The following KANSL1 variants were observed in gnomAD, a reference collection of about 807,000 sequenced individuals.
KANSL1 encodes the protein KAT8 regulatory NSL complex subunit 1.
A neutral mutation model predicts 103.6 loss-of-function variants in KANSL1; 22 were observed. The observed-to-expected ratio is 0.21, with a 90% confidence interval of 0.15 to 0.30. The LOEUF is 0.30. Ranked by LOEUF, KANSL1 falls within the 10% of genes least tolerant of loss-of-function variation. The pLI, the probability that KANSL1 is intolerant of heterozygous loss-of-function variation, is 1.00. For synonymous variants in KANSL1, 600 were observed against 527.6 expected (o/e 1.14, Z -1.88); for missense variants, 1,337 against 1,399.8 (o/e 0.96, Z 0.72).
chr17:46,187,429 T>A (rs1157787168), intron 1 of KANSL1, among the ~76,000 whole-genome samples: 1 of 152,216 alleles, frequency 6.6e-6, no homozygotes, highest in East Asian at 1.9e-4. Flanking sequence ...CATTTTGGAT[T>A]CCTGGTTCAG....
At chr17:46,204,727 T>C (rs1368777307) in intron 1 of KANSL1, among the ~76,000 whole-genome samples, 2 of 152,218 alleles carry the variant, frequency 1.3e-5, no homozygotes, top group Admixed American at 1.3e-4. Flanking sequence ...TCCAGCAACA[T>C]ATTAAAAGGC....
chr17:46,139,721 AG>A (rs2044326175), intron 2 of KANSL1, among the ~76,000 whole-genome samples: 1 of 152,256 alleles, frequency 6.6e-6, no homozygotes, highest in Admixed American at 6.5e-5. Flanking sequence ...TACCAAAAAT[AG>A]GCACTAACTG....
At chr17:46,100,643 A>G (rs1314910075) in intron 2 of KANSL1, among the ~76,000 whole-genome samples, 1 of 152,196 alleles carries the variant, frequency 6.6e-6, no homozygotes, top group Non-Finnish European at 1.5e-5. Flanking sequence ...TATTTATTAG[A>G]TAAGTAGCAC....
chr17:46,084,697 TAAAAAAAAAAAAAAAA>T (rs67108405), intron 3 of KANSL1, among the ~76,000 whole-genome samples: 38 of 74,512 alleles, frequency 5.1e-4, no homozygotes, highest in African/African-American at 2.0e-3. Context: ...TTTTAAAAAT[TAAAAAAAAAAAAAAAA>T]AAAAAAAAAA....
chr17:46,066,548 G>A lies in KANSL1; in HGVS notation c.1837C>T (p.Leu613Phe), dbSNP rs776773635. The change falls in exon 6 of 15, where the codon CTT becomes TTT. Residue 613 changes from leucine to phenylalanine, a missense_variant. Coordinates refer to ENST00000432791, the MANE Select transcript of KANSL1 (RefSeq NM_015443.4). The stretch of plus-strand genomic sequence containing the variant: ...TCATCTGTACCGACCTTCTTGGAAA[G>A]AGGAACGATGCTGTTGGGTCGAACA... ...RLVRPNSIVP[L>F]SKKVHRNSTI... The A allele has an allele frequency of 1.5e-5, 24 of 1,611,610 alleles. No homozygotes were observed. The highest frequency in any genetic ancestry group is 1.9e-5 in the Non-Finnish European group (22 of 1,178,594).
intron 13 of KANSL1, 140 bp from the exon 14 acceptor site, chr17:46,032,439 T>C: frequency 1.5e-6 from 1 of 650,448 alleles, no homozygotes; most frequent in Non-Finnish European, 2.5e-6. Flanking sequence ...GCAACTCCCA[T>C]TTCTTCCCAC....
intron 6 of KANSL1, among the ~76,000 whole-genome samples, chr17:46,063,875 C>T (rs1598518818): frequency 6.8e-6 from 1 of 146,582 alleles, no homozygotes; most frequent in Non-Finnish European, 1.5e-5. Flanking sequence ...AGGAAGGGTG[C>T]TTTATTTTCA....
intron 3 of KANSL1, among the ~76,000 whole-genome samples, chr17:46,090,562 C>G (rs2079343302): frequency 6.6e-6 from 1 of 152,176 alleles, no homozygotes; most frequent in South Asian, 2.1e-4. Context: ...TGTTAAGTGA[C>G]TTTTCTTCTC....
chr17:46,158,491 T>G (rs1375325344), intron 2 of KANSL1, among the ~76,000 whole-genome samples: 1 of 152,248 alleles, frequency 6.6e-6, no homozygotes, highest in Non-Finnish European at 1.5e-5. Context: ...GCCTTCCAAG[T>G]AGCTGGGATT....
chr17:46,188,151 A>G (rs940896319), intron 1 of KANSL1, among the ~76,000 whole-genome samples: 36 of 152,216 alleles, frequency 2.4e-4, no homozygotes, highest in African/African-American at 8.2e-4. Flanking sequence ...TCCTCCCCTC[A>G]ATCTGCAAGT....
chr17:46,039,895 C>T lies in KANSL1; in HGVS notation c.2021-11G>A, dbSNP rs1354637097. On this transcript the variant is annotated splice_polypyrimidine_tract_variant and intron_variant, in intron 7 of 14. Transcript: ENST00000432791. ...GGCTTGTGGGAACATCTGCAAGAAA[C>T]ATAAAATGCTACAGGTTAGTCCAAA... The T allele has an allele frequency of 6.2e-7, 1 of 1,613,804 alleles. No homozygotes were observed. The highest frequency in any genetic ancestry group is 8.5e-7 in the Non-Finnish European group (1 of 1,179,728).
chr17:46,082,283 T>C (rs1316519403), intron 4 of KANSL1, among the ~76,000 whole-genome samples, 158 bp downstream of exon 4: 2 of 152,152 alleles, frequency 1.3e-5, no homozygotes, highest in Non-Finnish European at 2.9e-5. Flanking sequence ...AGATTCCCTA[T>C]TCAGGAATTC....
chr17:46,077,676 G>A (rs779796829), intron 4 of KANSL1, among the ~76,000 whole-genome samples: 1 of 152,060 alleles, frequency 6.6e-6, no homozygotes, highest in African/African-American at 2.4e-5. Context: ...TCCTGCTTCA[G>A]CCTCCCGAGT....
chr17:46,086,861 C>T (rs1266666124), intron 3 of KANSL1, among the ~76,000 whole-genome samples: 1 of 152,120 alleles, frequency 6.6e-6, no homozygotes, highest in Non-Finnish European at 1.5e-5. Context: ...AGGAGGATCA[C>T]TTAAGCCCAG....
At position 46,166,513 on chromosome 17, in the gene KANSL1, CA is replaced by C. The variant is rs150251497; in HGVS notation, c.1289+4341del. On this transcript the variant is annotated intron_variant, in intron 2 of 14. Coordinates refer to ENST00000432791, the MANE Select transcript of KANSL1 (RefSeq NM_015443.4). ...GGCAACAAGAGCAACATTCGGTCTC[CA>C]AAAAAAAAAAAAATTCCTGAGGGTG... is the stretch of plus-strand genomic sequence containing the variant. Among the ~76,000 whole-genome samples the C allele has an allele frequency of 5.7e-3, 782 of 138,280 alleles. 1 individual carries two copies. The highest frequency in any genetic ancestry group is 8.0e-3 in the Non-Finnish European group (515 of 64,488). 90.7% of individuals were successfully genotyped at this position (138,280 alleles called of 152,430 possible). A position where few individuals can be genotyped will look rare whatever the true frequency, so the allele number is the denominator to read the frequency against.
At chr17:46,173,937 A>T (rs2046401948) in intron 1 of KANSL1, among the ~76,000 whole-genome samples, 1 of 152,272 alleles carries the variant, frequency 6.6e-6, no homozygotes, top group South Asian at 2.1e-4. Flanking sequence ...AAAATGAACT[A>T]GAGCTTTGTT....
chr17:46,221,043 TCTC>T (rs1567816525), intron 1 of KANSL1: 1 of 151,348 alleles, frequency 6.6e-6, no homozygotes, highest in Non-Finnish European at 1.5e-5. Context: ...ATTATCTTTT[TCTC>T]CTGTTTTTTT....
rs763362339 is a variant in KANSL1 at position 46,034,280 on chromosome 17, C to T, written c.2547G>A (p.Gln849=). ...TCTCTCCCCTTCTCCTCCTTACTGGCTGCTGCTGTAAGATAAAAATTAAGT... is the reference window on the plus strand; with the variant it reads ...TCTCTCCCCTTCTCCTCCTTACTGGTTGCTGCTGTAAGATAAAAATTAAGT... ...SSQVTASTSQ[Q]PVRRRRGESS... Residue 849 remains glutamine (Q), a synonymous_variant, in exon 11 of 15, where the codon CAG becomes CAA. Coordinates refer to ENST00000432791, the MANE Select transcript of KANSL1 (RefSeq NM_015443.4). The T allele has an allele frequency of 3.7e-6, 6 of 1,613,516 alleles. No individual in the cohort carries two copies. Among genetic ancestry groups the T allele is most frequent in the South Asian group, 1.1e-5 (1 of 90,934 alleles).
upstream of KANSL1, among the ~76,000 whole-genome samples, chr17:46,224,080 T>A (rs1234020397): frequency 1.3e-5 from 2 of 152,160 alleles, no homozygotes; most frequent in Admixed American, 6.5e-5. Context: ...GAGAATAAAG[T>A]AATTTTCCAG....
Sources: gnomAD v4.1 joint callset for allele counts (sites outside exome capture counted in the v4.1 genomes callset) on GRCh38, gnomAD v4.1.1 for gene constraint, MANE v1.5 for transcripts, NCBI Gene and HGNC (gene_info 2026-07-23, HGNC 2026-07-21) for gene names.